PLXDC2: variants seen among roughly 807,000 people sequenced by gnomAD.
The protein encoded by PLXDC2 is plexin domain containing 2, also known as plexin domain-containing protein 2.
A neutral mutation model predicts 68.9 loss-of-function variants in PLXDC2; 40 were observed. The observed-to-expected ratio is 0.58, with a 90% CI of 0.45 to 0.76. PLXDC2 has a LOEUF of 0.76. Among genes scored for constraint, PLXDC2 ranks in the 30% least tolerant of loss-of-function variants. The probability of loss-of-function intolerance (pLI) is 0.00; values close to 1 mark genes in which losing one functional copy is unlikely to be tolerated. For synonymous variants in PLXDC2, 243 were observed against 234.2 expected (o/e 1.04, Z -0.34); for missense variants, 644 against 661.9 (o/e 0.97, Z 0.30).
chr10:20,062,017 A>G (rs191973276), intron 3 of PLXDC2, among the ~76,000 whole-genome samples: 4 of 152,348 alleles, frequency 2.6e-5, no homozygotes, highest in African/African-American at 7.2e-5. Context: ...ATATTGTTAT[A>G]CTTCATTGAC....
intron 2 of PLXDC2, among the ~76,000 whole-genome samples, chr10:20,044,094 CCCTTCCTT>C (rs376988347): frequency 3.4e-4 from 11 of 32,826 alleles, no homozygotes; most frequent in Non-Finnish European, 5.8e-4. Context: ...TGGCTTTTTC[CCCTTCCTT>C]CCTTCCTTCC....
At chr10:19,983,243 G>A (rs1409048860) in intron 1 of PLXDC2, among the ~76,000 whole-genome samples, 1 of 152,078 alleles carries the variant, frequency 6.6e-6, no homozygotes, top group Non-Finnish European at 1.5e-5. Context: ...GTGAGTAACT[G>A]GTGAATTCTA....
At chr10:20,136,963 TAC>T (rs1833942471) in intron 4 of PLXDC2, among the ~76,000 whole-genome samples, 1 of 152,238 alleles carries the variant, frequency 6.6e-6, no homozygotes, top group Non-Finnish European at 1.5e-5. Context: ...TTAACATTTT[TAC>T]AAAGTGCTTG....
At chr10:19,920,116 G>A (rs2131380059) in intron 1 of PLXDC2, among the ~76,000 whole-genome samples, 1 of 152,306 alleles carries the variant, frequency 6.6e-6, no homozygotes, top group South Asian at 2.1e-4. Flanking sequence ...CTCTGCCCCT[G>A]CTAATTCCCA....
chr10:20,019,339 A>G (rs1835263963), intron 2 of PLXDC2, among the ~76,000 whole-genome samples: 1 of 151,836 alleles, frequency 6.6e-6, no homozygotes, highest in African/African-American at 2.4e-5. Flanking sequence ...AATTACAGGC[A>G]AGGGCAGGGT....
At chr10:19,905,309 A>T (rs1020198391) in intron 1 of PLXDC2, among the ~76,000 whole-genome samples, 3 of 152,270 alleles carry the variant, frequency 2.0e-5, no homozygotes, top group Non-Finnish European at 4.4e-5. Flanking sequence ...CAAAAGAAAC[A>T]TGGTCCAAAC....
At chr10:20,083,007 T>G (rs552419228) in intron 4 of PLXDC2, among the ~76,000 whole-genome samples, 1 of 152,008 alleles carries the variant, frequency 6.6e-6, no homozygotes, top group Non-Finnish European at 1.5e-5. Context: ...GTATAAGCTA[T>G]CTCTAAAATA....
chr10:19,896,675 A>G (rs1326263001), intron 1 of PLXDC2, among the ~76,000 whole-genome samples: 1 of 152,142 alleles, frequency 6.6e-6, no homozygotes, highest in Non-Finnish European at 1.5e-5. Context: ...CTTTTGGTAA[A>G]TAACACTTAT....
At chr10:19,918,720 C>G (rs143267716) in intron 1 of PLXDC2, among the ~76,000 whole-genome samples, 1 of 152,112 alleles carries the variant, frequency 6.6e-6, no homozygotes, top group East Asian at 1.9e-4. Context: ...ACTTTAATAT[C>G]GAGACTCTTG....
At chr10:19,867,536 A>G (rs941524115) in intron 1 of PLXDC2, among the ~76,000 whole-genome samples, 1 of 152,150 alleles carries the variant, frequency 6.6e-6, no homozygotes, top group African/African-American at 2.4e-5. Flanking sequence ...TTTTTAAGCT[A>G]TTATTACCTT....
chr10:19,923,953 C>G (rs1446483753), intron 1 of PLXDC2, among the ~76,000 whole-genome samples: 1 of 152,102 alleles, frequency 6.6e-6, no homozygotes, highest in African/African-American at 2.4e-5. Context: ...AGTCCCCACT[C>G]CTTGGGAGGC....
chr10:19,934,689 A>T (rs1459271608), intron 1 of PLXDC2, among the ~76,000 whole-genome samples: 1 of 152,220 alleles, frequency 6.6e-6, no homozygotes, highest in Admixed American at 6.5e-5. Context: ...GGTATAGTTG[A>T]TTAAAATAAA....
chr10:19,865,504 G>A (rs1837396760), intron 1 of PLXDC2, among the ~76,000 whole-genome samples: 1 of 152,080 alleles, frequency 6.6e-6, no homozygotes, highest in East Asian at 1.9e-4. Context: ...AGCCTCTTTG[G>A]TTTTGTGTTT....
chr10:20,079,747 C>T (rs1373677008), intron 4 of PLXDC2, among the ~76,000 whole-genome samples: 1 of 152,026 alleles, frequency 6.6e-6, no homozygotes, highest in Non-Finnish European at 1.5e-5. Context: ...AACACATGGA[C>T]ACAGGGAGGG....
intron 1 of PLXDC2, among the ~76,000 whole-genome samples, chr10:19,831,584 C>T (rs930524114): frequency 3.3e-5 from 5 of 152,110 alleles, no homozygotes; most frequent in Admixed American, 1.3e-4. Context: ...TCTCACTCCT[C>T]CCACTCTCCG....
At chr10:20,148,266 T>G (rs1262441750) in intron 6 of PLXDC2, among the ~76,000 whole-genome samples, 1 of 20,644 alleles carries the variant, frequency 4.8e-5, no homozygotes, top group Non-Finnish European at 1.1e-4. Context: ...CTTTAGTTAG[T>G]TTTTTTTTTT....
intron 4 of PLXDC2, among the ~76,000 whole-genome samples, chr10:20,133,665 TAAC>T (rs1833898203): frequency 6.6e-6 from 1 of 152,218 alleles, no homozygotes; most frequent in South Asian, 2.1e-4. Flanking sequence ...AATTTGTTAA[TAAC>T]ATGTTTTTGT....
intron 9 of PLXDC2, among the ~76,000 whole-genome samples, chr10:20,177,910 A>C (rs576275453): frequency 2.6e-5 from 4 of 152,212 alleles, no homozygotes; most frequent in African/African-American, 9.6e-5. Flanking sequence ...TGAGAGCTCA[A>C]AATTACTAAC....
chr10:20,001,300 C>T (rs909197733), intron 1 of PLXDC2, among the ~76,000 whole-genome samples: 1 of 152,206 alleles, frequency 6.6e-6, no homozygotes, highest in Non-Finnish European at 1.5e-5. Context: ...TTCCTATACA[C>T]TGGTGTCTCT....
Sources: allele counts gnomAD v4.1 joint callset (sites outside exome capture counted in the v4.1 genomes callset), GRCh38; gene constraint gnomAD v4.1.1; transcripts MANE v1.5; gene names NCBI Gene and HGNC (gene_info 2026-07-23, HGNC 2026-07-21).